DST: variants seen among roughly 807,000 people sequenced by gnomAD.
DST encodes the protein dystonin, also known as bullous pemphigoid antigen.
Under a neutral mutation model 875.2 loss-of-function variants are expected in DST, and 253 were observed. That is an observed-to-expected ratio of 0.29 (90% CI 0.26 to 0.32). The LOEUF (loss-of-function observed/expected upper bound fraction) is 0.32. DST is among the 10% of genes least tolerant of loss of function. The pLI, the probability that DST is intolerant of heterozygous loss-of-function variation, is 1.00. For synonymous variants in DST, 3,124 were observed against 3,197.1 expected, an observed-to-expected ratio of 0.98 and a Z score of 0.77; for missense variants, 8,287 against 9,111.6, an observed-to-expected ratio of 0.91 and a Z score of 3.68.
At chr6:56,636,417 CAT>C (rs1184902384) in intron 23 of DST, 138 bp downstream of exon 23, 43 of 677,708 alleles carry the variant, frequency 6.3e-5, no homozygotes, top group African/African-American at 2.9e-4. Flanking sequence ...TATATACACA[CAT>C]ATATGTGTAT....
chr6:56,493,217 T>A, intron 83 of DST, 128 bp from the exon 84 acceptor site: 1 of 697,264 alleles, frequency 1.4e-6, no homozygotes, highest in Non-Finnish European at 2.2e-6. Context: ...ATTAATATAT[T>A]AACTAAATAT....
At chr6:56,942,229 G>A (rs1398390607) in intron 2 of DST, among the ~76,000 whole-genome samples, 2 of 151,996 alleles carry the variant, frequency 1.3e-5, no homozygotes, top group South Asian at 4.2e-4. Context: ...TGAATTTCTT[G>A]TAAATAGCAT....
At chr6:56,479,936 A>G (rs1306185163) in intron 90 of DST, among the ~76,000 whole-genome samples, 4 of 152,084 alleles carry the variant, frequency 2.6e-5, no homozygotes, top group Non-Finnish European at 5.9e-5. Flanking sequence ...AATTTATATG[A>G]TATGTTTATA....
intron 3 of DST, among the ~76,000 whole-genome samples, chr6:56,878,528 G>C (rs746993110): frequency 1.3e-5 from 2 of 152,184 alleles, no homozygotes; most frequent in Non-Finnish European, 2.9e-5. Flanking sequence ...ATTTGTGGAT[G>C]GAAGGAGGGA....
At chr6:56,728,609 G>C (rs1274398666) in intron 5 of DST, among the ~76,000 whole-genome samples, 1 of 152,118 alleles carries the variant, frequency 6.6e-6, no homozygotes, top group Non-Finnish European at 1.5e-5. Context: ...CCAGGAGGGA[G>C]AGGTTGCAGT....
chr6:56,860,239 G>A (rs1403899704), intron 3 of DST, among the ~76,000 whole-genome samples: 1 of 152,154 alleles, frequency 6.6e-6, no homozygotes, highest in Non-Finnish European at 1.5e-5. Flanking sequence ...CTGGCATGAA[G>A]TAAGTGATGG....
At chr6:56,800,872 T>C (rs1011536370) in intron 4 of DST, among the ~76,000 whole-genome samples, 26 of 151,440 alleles carry the variant, frequency 1.7e-4, no homozygotes, top group Non-Finnish European at 2.9e-5. Context: ...TACAAAAAAT[T>C]AGCCAGGCAT....
At chr6:56,773,828 TTC>T (rs2099672405) in intron 4 of DST, among the ~76,000 whole-genome samples, 1 of 152,154 alleles carries the variant, frequency 6.6e-6, no homozygotes, top group African/African-American at 2.4e-5. Context: ...TTCCTAGAAT[TTC>T]TCTCAGGCTG....
At chr6:56,704,634 C>A (rs1190706883) in intron 5 of DST, among the ~76,000 whole-genome samples, 1 of 152,206 alleles carries the variant, frequency 6.6e-6, no homozygotes, top group Admixed American at 6.5e-5. Flanking sequence ...TGGACTACTA[C>A]ATGGGGTTAC....
At chr6:56,801,875 G>A (rs1022257845) in intron 4 of DST, among the ~76,000 whole-genome samples, 14 of 150,614 alleles carry the variant, frequency 9.3e-5, no homozygotes, top group Admixed American at 6.7e-4. Context: ...TCAGCCTCCC[G>A]AGGAGCTGGG....
rs77197816 is a variant in DST at position 56,658,807 on chromosome 6, G to A, written c.1215-7563C>T. The stretch of plus-strand genomic sequence containing the variant: ...TGGAGAGCTCAGAGCTCCAAAGGGA[G>A]CTCAGGAGTAAACCAGGAGAAAACC... On this transcript the variant is annotated intron_variant, in intron 10 of 103. Transcript: ENST00000680361. 1.8e-3 allele frequency among the ~76,000 whole-genome samples: 274 copies of A among 152,332 alleles called. 5 individuals are homozygous for A. The East Asian group carries it at 0.05, about 28-fold the overall frequency.
At chr6:56,738,769 C>T (rs991673465) in intron 4 of DST, among the ~76,000 whole-genome samples, 3 of 151,890 alleles carry the variant, frequency 2.0e-5, no homozygotes, top group Non-Finnish European at 4.4e-5. Flanking sequence ...ACTACAGGTG[C>T]ATGTCACCAC....
At chr6:56,486,121 T>C (rs2095551708) in intron 87 of DST, among the ~76,000 whole-genome samples, 1 of 152,106 alleles carries the variant, frequency 6.6e-6, no homozygotes, top group South Asian at 2.1e-4. Context: ...CCCAGCACTT[T>C]GGGAGGCCGA....
At position 56,618,995 on chromosome 6, in the gene DST, T is replaced by C. The variant is rs774699912; in HGVS notation, c.4930-4511A>G. On this transcript the variant is annotated intron_variant, in intron 36 of 103. Transcript: ENST00000680361. ...CAGTTCCGCATTCAGATTTCTAACT[T>C]CTTTCTTGGTATTCTGGATGATAAT... 18 of 1,614,104 alleles carry C rather than the reference T, an allele frequency of 1.1e-5. No homozygotes were observed. The highest frequency in any genetic ancestry group is 1.5e-5 in the Non-Finnish European group (18 of 1,180,050).
chr6:56,540,316 T>C (rs932089109), intron 61 of DST: 13 of 152,678 alleles, frequency 8.5e-5, no homozygotes, highest in African/African-American at 3.1e-4. Flanking sequence ...CTGTGTCCAA[T>C]ATTCCTGCCT....
intron 100 of DST, 28 bp from the exon 101 acceptor site, chr6:56,463,792 A>G: frequency 6.2e-7 from 1 of 1,611,896 alleles, no homozygotes; most frequent in Non-Finnish European, 8.5e-7. Context: ...AACAATGCAC[A>G]CAAAGAAAAG....
At chr6:56,726,133 A>G (rs1317023714) in intron 5 of DST, among the ~76,000 whole-genome samples, 1 of 152,178 alleles carries the variant, frequency 6.6e-6, no homozygotes, top group Admixed American at 6.5e-5. Context: ...AATGTTCACA[A>G]CACAGTAATT....
intron 44 of DST, among the ~76,000 whole-genome samples, chr6:56,600,589 G>T (rs1038655820): frequency 2.0e-5 from 3 of 152,042 alleles, no homozygotes; most frequent in African/African-American, 7.2e-5. Context: ...GTTGTGATTT[G>T]TAGGTTAACA....
chr6:56,935,407 T>C (rs1206228811), intron 2 of DST, among the ~76,000 whole-genome samples: 1 of 152,264 alleles, frequency 6.6e-6, no homozygotes, highest in Non-Finnish European at 1.5e-5. Flanking sequence ...AGCAGGAATA[T>C]ACTATTTAAT....
Sources: allele counts gnomAD v4.1 joint callset (sites outside exome capture counted in the v4.1 genomes callset), GRCh38; gene constraint gnomAD v4.1.1; transcripts MANE v1.5; gene names NCBI Gene and HGNC (gene_info 2026-07-23, HGNC 2026-07-21).